Variants in DHX29 observed in about 807,000 individuals in gnomAD.
The protein encoded by DHX29 is DExH-box helicase 29.
In DHX29, 79 loss-of-function variants were observed where a neutral mutation model predicts 167.9. The ratio of observed to expected loss-of-function variants is 0.47; its 90% CI spans 0.39 to 0.57. The LOEUF (loss-of-function observed/expected upper bound fraction) is 0.57. Among genes scored for constraint, DHX29 ranks in the 20% least tolerant of loss-of-function variants. DHX29 has a pLI of 0.00. For synonymous variants in DHX29, 530 were observed against 546.0 expected (o/e 0.97, Z 0.41); for missense variants, 1,347 against 1,593.4 (o/e 0.85, Z 2.63).
At chr5:55,300,986 A>G (rs992943767) in intron 1 of DHX29, among the ~76,000 whole-genome samples, 3 of 152,078 alleles carry the variant, frequency 2.0e-5, no homozygotes, top group African/African-American at 7.2e-5. Flanking sequence ...TCATCTTGCT[A>G]TATGTTCACA....
intron 21 of DHX29, 129 bp from the exon 22 acceptor site, chr5:55,267,951 TTA>T (rs748339670): frequency 1.2e-4 from 41 of 341,202 alleles, no homozygotes; most frequent in Non-Finnish European, 1.6e-4. Context: ...CAATATTTTA[TTA>T]TGTTTATTAG....
At chr5:55,291,894 A>G (rs902371775) in intron 6 of DHX29, among the ~76,000 whole-genome samples, 2 of 152,166 alleles carry the variant, frequency 1.3e-5, no homozygotes, top group African/African-American at 4.8e-5. Flanking sequence ...TTTGATGTGC[A>G]TGCCACATTT....
intron 20 of DHX29, 85 bp downstream of exon 20, chr5:55,270,327 A>C: frequency 7.1e-7 from 1 of 1,409,580 alleles, no homozygotes; most frequent in Non-Finnish European, 9.5e-7. Context: ...ATCTAAAGCA[A>C]TATAAGGTAA....
chr5:55,269,721 C>T, intron 20 of DHX29, 84 bp from the exon 21 acceptor site: 2 of 1,165,734 alleles, frequency 1.7e-6, no homozygotes, highest in Non-Finnish European at 2.5e-6. Context: ...CTAAATTTGA[C>T]TTCAGTAAAA....
Position 55,303,730 on chromosome 5 carries a change from C to G in DHX29, c.187+3657G>C, listed in dbSNP as rs373939753. 2.0e-5 allele frequency among the ~76,000 whole-genome samples: 3 copies of G among 152,152 alleles called. No homozygotes were observed. The East Asian group carries it at 5.8e-4, about 29-fold the overall frequency. ...TTAGGGTTTTTAGGCTTGTTTTTCCCTCTGCCACAAATACTCTGCAGATCA... is the reference window on the plus strand; with the variant it reads ...TTAGGGTTTTTAGGCTTGTTTTTCCGTCTGCCACAAATACTCTGCAGATCA... On this transcript the variant is annotated intron_variant, in intron 1 of 26. Transcript: ENST00000251636.
intron 1 of DHX29, among the ~76,000 whole-genome samples, chr5:55,302,542 C>G (rs1161679118): frequency 5.3e-5 from 8 of 150,028 alleles, no homozygotes; most frequent in Non-Finnish European, 5.9e-5. Context: ...ATTGCTTGAG[C>G]CTGGGAGGCA....
At chr5:55,285,475 C>A (rs1430691753) in intron 9 of DHX29, 59 bp from the exon 10 acceptor site, 2 of 1,490,650 alleles carry the variant, frequency 1.3e-6, no homozygotes, top group Non-Finnish European at 9.1e-7. Context: ...ATAAAAAAAA[C>A]TCAGAATTCC....
chr5:55,298,490 T>A, intron 2 of DHX29, 101 bp downstream of exon 2: 4 of 693,808 alleles, frequency 5.8e-6, no homozygotes, highest in Non-Finnish European at 1.0e-5. Flanking sequence ...TTACAAAAAT[T>A]TAAAACACCC....
intron 1 of DHX29, 133 bp from the exon 2 acceptor site, chr5:55,298,797 G>A (rs1348080626): frequency 1.7e-5 from 7 of 408,284 alleles, no homozygotes; most frequent in South Asian, 1.2e-4. Flanking sequence ...TTGGGAGGCC[G>A]AGGCGGGTGG....
At chr5:55,258,813 A>G (rs1331809142) in intron 26 of DHX29, among the ~76,000 whole-genome samples, 1 of 152,086 alleles carries the variant, frequency 6.6e-6, no homozygotes, top group African/African-American at 2.4e-5. Context: ...TCAGCCTTCC[A>G]AAGTGGTGGG....
rs776074628 is a variant in DHX29, at chr5:55,267,867, C to G, written c.3295-45G>C. 2.1e-6 allele frequency: 3 copies of G among 1,461,340 alleles called. No homozygotes were observed. The Admixed American group carries it at 6.0e-5, about 29-fold the overall frequency. 90.5% of individuals were successfully genotyped at this position (1,461,340 alleles called of 1,614,324 possible). ...GACAAAACAATTTATCATTAAAGAG[C>G]AATACAGTGAAAGTTAACTTATAAA... is the stretch of plus-strand genomic sequence containing the variant. On this transcript the variant is annotated intron_variant, in intron 21 of 26. Transcript: ENST00000251636.
chr5:55,256,604 C>T (rs983293414), intron 26 of DHX29, 64 bp from the exon 27 acceptor site: 1 of 1,490,466 alleles, frequency 6.7e-7, no homozygotes, highest in African/African-American at 1.4e-5. Context: ...CCAAGGTATG[C>T]ACATGTAAAT....
In DHX29 at chr5:55,261,381, C is replaced by T; in HGVS notation, c.3947G>A (p.Trp1316Ter). 2 of 1,577,440 alleles carry T rather than the reference C, an allele frequency of 1.3e-6. No individual in the cohort carries two copies. The highest frequency in any genetic ancestry group is 1.7e-6 in the Non-Finnish European group (2 of 1,153,536). The change falls in exon 25 of 27, where the codon TGG becomes TAG. Residue 1316 changes from tryptophan to a stop codon, truncating the protein, a stop_gained. Coordinates refer to ENST00000251636, the MANE Select transcript of DHX29 (RefSeq NM_019030.4). LOFTEE classifies it high-confidence loss of function. ...TGTACTATGTACCTGAAAATAGATC[C>T]AGCCATCAATAGAAAGAAGACGTTC... Reference protein sequence around the residue: ...HRERLLSIDGWIYFQAPVKIA... With the variant: ...HRERLLSIDG
intron 7 of DHX29, 110 bp downstream of exon 7, chr5:55,290,107 TA>T: frequency 7.7e-7 from 1 of 1,306,492 alleles, no homozygotes; most frequent in Non-Finnish European, 1.0e-6. Context: ...ATCCCATGTA[TA>T]AACTGTTAGA....
At chr5:55,276,020 G>C (rs990595291) in intron 14 of DHX29, among the ~76,000 whole-genome samples, 1 of 152,136 alleles carries the variant, frequency 6.6e-6, no homozygotes, top group Non-Finnish European at 1.5e-5. Context: ...CCTTGATTTT[G>C]TATGCGTACC....
chr5:55,285,199 A>G (rs1747654381), intron 10 of DHX29, 94 bp downstream of exon 10: 2 of 1,519,306 alleles, frequency 1.3e-6, no homozygotes, highest in Admixed American at 4.1e-5. Context: ...ATGAGAAAGG[A>G]TTAATCAGAA....
chr5:55,262,247 CCA>C (rs1346038424), intron 24 of DHX29, among the ~76,000 whole-genome samples: 2 of 152,122 alleles, frequency 1.3e-5, no homozygotes, highest in African/African-American at 2.4e-5. Context: ...TGCAAATCAT[CCA>C]CAGTTCTACT....
Position 55,294,029 on chromosome 5 carries a change from TTCC to T in DHX29, c.765_767del (p.Glu256del). On this transcript the variant is annotated inframe_deletion, in exon 6 of 27. Coordinates refer to ENST00000251636, the MANE Select transcript of DHX29 (RefSeq NM_019030.4). ...AATTTCTACTCACAGGGTCAAATTTTTCCTCCTCTTCTAAACTTTTAGAATTCT... is the reference window on the plus strand; with the variant it reads ...AATTTCTACTCACAGGGTCAAATTTTTCCTCTTCTAAACTTTTAGAATTCT... 2 of 1,606,392 alleles carry T rather than the reference TTCC, an allele frequency of 1.2e-6. No individual in the cohort carries two copies. Among genetic ancestry groups the T allele is most frequent in the Non-Finnish European group, 1.7e-6 (2 of 1,177,862 alleles).
chr5:55,266,461 C>A (rs1204057048), intron 23 of DHX29, among the ~76,000 whole-genome samples: 1 of 151,538 alleles, frequency 6.6e-6, no homozygotes, highest in East Asian at 1.9e-4. Flanking sequence ...AGGCATGCGC[C>A]ACCACACCTG....
Sources: gnomAD v4.1 joint callset for allele counts (sites outside exome capture counted in the v4.1 genomes callset) on GRCh38, gnomAD v4.1.1 for gene constraint, MANE v1.5 for transcripts, NCBI Gene and HGNC (gene_info 2026-07-23, HGNC 2026-07-21) for gene names.